TANC1: variants seen among roughly 807,000 people sequenced by gnomAD.
TANC1 encodes the protein protein TANC1.
In TANC1, 77 loss-of-function variants were observed where a neutral mutation model predicts 149.7. The observed-to-expected ratio is 0.51, with a 90% CI of 0.43 to 0.62. The LOEUF (loss-of-function observed/expected upper bound fraction) is 0.62. TANC1 is among the 20% of genes least tolerant of loss of function. The pLI is 0.00. For synonymous variants in TANC1, 854 were observed against 925.0 expected (o/e 0.92, Z 1.39); for missense variants, 1,985 against 2,321.8 (o/e 0.85, Z 2.98).
intron 2 of TANC1, among the ~76,000 whole-genome samples, chr2:159,062,936 C>T (rs2042346466): frequency 7.9e-6 from 1 of 127,120 alleles, no homozygotes; most frequent in Non-Finnish European, 1.6e-5. Context: ...CACTGCAGTC[C>T]GCAGTCCGGC....
chr2:159,134,803 T>C (rs1410720175), intron 4 of TANC1, among the ~76,000 whole-genome samples: 1 of 151,694 alleles, frequency 6.6e-6, no homozygotes, highest in African/African-American at 2.4e-5. Flanking sequence ...TATTTTTGTA[T>C]AGAGACCAGG....
At chr2:159,187,837 G>A (rs1045261390) in intron 16 of TANC1, among the ~76,000 whole-genome samples, 3 of 152,312 alleles carry the variant, frequency 2.0e-5, no homozygotes, top group Admixed American at 6.5e-5. Context: ...TAAGAAAGAT[G>A]AGAATAAAAA....
At chr2:159,141,225 G>C (rs1310433106) in intron 5 of TANC1, among the ~76,000 whole-genome samples, 2 of 152,206 alleles carry the variant, frequency 1.3e-5, no homozygotes, top group Non-Finnish European at 2.9e-5. Context: ...TCTTTTTGCT[G>C]TAACCTCATG....
chr2:159,113,983 A>G (rs1227172918), intron 4 of TANC1, among the ~76,000 whole-genome samples: 3 of 152,218 alleles, frequency 2.0e-5, no homozygotes, highest in Non-Finnish European at 4.4e-5. Context: ...ACCCATCTAC[A>G]GCTTCTGTGG....
intron 3 of TANC1, among the ~76,000 whole-genome samples, chr2:159,094,477 A>G (rs2045876211): frequency 1.3e-5 from 2 of 152,144 alleles, no homozygotes; most frequent in African/African-American, 4.8e-5. Context: ...GGTGATGAGA[A>G]AACAACCATC....
chr2:159,219,116 A>G (rs2059528257), intron 20 of TANC1, 122 bp from the exon 21 acceptor site: 2 of 1,342,484 alleles, frequency 1.5e-6, no homozygotes, highest in East Asian at 4.6e-5. Flanking sequence ...TGGTTCACAC[A>G]ACTTACAGAT....
intron 19 of TANC1, among the ~76,000 whole-genome samples, chr2:159,205,542 G>A: frequency 6.6e-6 from 1 of 152,164 alleles, no homozygotes; most frequent in Admixed American, 6.5e-5. Flanking sequence ...TGTTACACAA[G>A]TACCACCGTG....
At position 159,230,881 on chromosome 2, in the gene TANC1, A is replaced by G. The variant is rs772459649; in HGVS notation, c.5455A>G (p.Ile1819Val). 2.5e-6 allele frequency: 4 copies of G among 1,614,178 alleles called. No individual in the cohort carries two copies. Among genetic ancestry groups the G allele is most frequent in the Non-Finnish European group, 8.5e-7 (1 of 1,180,004 alleles). The part of the protein sequence containing the change: ...QIPVHSQENR[I>V]TKTVSHLYQE... ...TCCAGTCCACTCTCAAGAGAACAGG[A>G]TAACTAAGACTGTTTCTCATCTGTA... The change falls in exon 27 of 27, where the codon ATA (isoleucine) becomes GTA (valine). Residue 1819 changes from isoleucine (I) to valine (V), a missense_variant. Ile to Val is a conservative substitution (Grantham distance 29, BLOSUM62 3). Coordinates refer to ENST00000263635, the MANE Select transcript of TANC1 (RefSeq NM_033394.3). This position sits in a 1 kb window ranked among gnomAD's most constrained non-coding sequence, Gnocchi z 4.4.
chr2:158,971,414 GATAAA>G (rs2032862062), intron 1 of TANC1, among the ~76,000 whole-genome samples: 1 of 152,130 alleles, frequency 6.6e-6, no homozygotes, highest in Non-Finnish European at 1.5e-5. Flanking sequence ...TTATCTTTAT[GATAAA>G]ATAAAGTTTG....
At chr2:159,139,021 G>C (rs2150226401) in intron 5 of TANC1, among the ~76,000 whole-genome samples, 1 of 152,248 alleles carries the variant, frequency 6.6e-6, no homozygotes, top group South Asian at 2.1e-4. Flanking sequence ...GGGAAGTGTG[G>C]GTTCGATGAT....
intron 5 of TANC1, among the ~76,000 whole-genome samples, chr2:159,139,379 A>G (rs763341147): frequency 4.4e-4 from 67 of 152,350 alleles, no homozygotes; most frequent in Non-Finnish European, 7.1e-4. Flanking sequence ...TTCATGTCAA[A>G]TGGTCCTAAT....
chr2:159,170,944 G>T, intron 10 of TANC1, 139 bp downstream of exon 10: 1 of 939,638 alleles, frequency 1.1e-6, no homozygotes, highest in Admixed American at 2.5e-5. Flanking sequence ...TGTGTGAAGT[G>T]AACTGTTTCA....
chr2:159,084,040 A>G (rs961209484), intron 3 of TANC1, among the ~76,000 whole-genome samples: 2 of 152,364 alleles, frequency 1.3e-5, no homozygotes, highest in Middle Eastern at 3.4e-3. Context: ...TCATGAGGTC[A>G]GGAGTTCGAG....
chr2:159,152,259 C>T (rs1048811583), intron 7 of TANC1, among the ~76,000 whole-genome samples: 8 of 152,142 alleles, frequency 5.3e-5, no homozygotes, highest in Non-Finnish European at 7.3e-5. Context: ...CCTATCTCTT[C>T]TGAGCTGTCC....
chr2:159,174,392 C>A (rs2055616639), intron 11 of TANC1, among the ~76,000 whole-genome samples: 1 of 152,060 alleles, frequency 6.6e-6, no homozygotes, highest in African/African-American at 2.4e-5. Context: ...AGACAGTGCC[C>A]CTGTAGAACT....
chr2:159,129,530 C>T (rs1377816438), intron 4 of TANC1, among the ~76,000 whole-genome samples: 1 of 152,026 alleles, frequency 6.6e-6, no homozygotes, highest in Non-Finnish European at 1.5e-5. Context: ...CCCTGCTACA[C>T]AGTTAAAGAA....
intron 19 of TANC1, among the ~76,000 whole-genome samples, chr2:159,202,324 G>GAA (rs2058306088): frequency 6.6e-6 from 1 of 152,174 alleles, no homozygotes; most frequent in Non-Finnish European, 1.5e-5. Flanking sequence ...ATGTACAATA[G>GAA]AATTTTAAGA....
intron 4 of TANC1, among the ~76,000 whole-genome samples, chr2:159,112,375 C>T (rs577043059): frequency 6.6e-6 from 1 of 152,206 alleles, no homozygotes; most frequent in East Asian, 1.9e-4. Context: ...CCTGCTTCAC[C>T]CTCCCAAGTA....
At chr2:158,984,615 C>G (rs551277670) in intron 1 of TANC1, among the ~76,000 whole-genome samples, 1 of 152,190 alleles carries the variant, frequency 6.6e-6, no homozygotes, top group African/African-American at 2.4e-5. Context: ...GTGTCTCAAT[C>G]TGAGGAGACA....
Sources: gnomAD v4.1 joint callset for allele counts (sites outside exome capture counted in the v4.1 genomes callset) on GRCh38, gnomAD v4.1.1 for gene constraint, Gnocchi (gnomAD v3.1) non-coding constraint, MANE v1.5 for transcripts, NCBI Gene and HGNC (gene_info 2026-07-23, HGNC 2026-07-21) for gene names.